DPP10: variants seen among roughly 807,000 people sequenced by gnomAD.
The protein encoded by DPP10 is dipeptidyl peptidase like 10.
DPP10 carries 33 observed loss-of-function variants against 120.9 expected under a neutral mutation model. That is an observed-to-expected ratio of 0.27 (90% CI 0.21 to 0.37). The LOEUF (loss-of-function observed/expected upper bound fraction) is 0.37. Among genes scored for constraint, DPP10 ranks in the 10% least tolerant of loss-of-function variants. DPP10 has a pLI of 1.00. For synonymous variants in DPP10, 337 were observed against 326.1 expected (o/e 1.03, Z -0.36); for missense variants, 816 against 942.8 (o/e 0.87, Z 1.76).
At chr2:115,231,464 C>G (rs1415261563) in intron 1 of DPP10, among the ~76,000 whole-genome samples, 1 of 152,050 alleles carries the variant, frequency 6.6e-6, no homozygotes, top group Non-Finnish European at 1.5e-5. Flanking sequence ...AGGTCTTTTT[C>G]ATACAAGTTG....
At chr2:115,353,329 C>T (rs1346108764) in intron 3 of DPP10, among the ~76,000 whole-genome samples, 1 of 152,040 alleles carries the variant, frequency 6.6e-6, no homozygotes, top group African/African-American at 2.4e-5. Flanking sequence ...AAGGAAAATG[C>T]TGTGTATGTG....
intron 2 of DPP10, among the ~76,000 whole-genome samples, chr2:115,316,591 G>C (rs1574398807): frequency 1.3e-5 from 2 of 151,936 alleles, no homozygotes; most frequent in Admixed American, 6.6e-5. Flanking sequence ...TTTATTTCTG[G>C]TTTCATAATT....
At chr2:115,827,335 A>G (rs1688437224) in intron 21 of DPP10, among the ~76,000 whole-genome samples, 1 of 146,640 alleles carries the variant, frequency 6.8e-6, no homozygotes, top group African/African-American at 2.5e-5. Flanking sequence ...ATGTATATGT[A>G]TATGTATATA....
chr2:114,536,638 C>A (rs531906488), intron 1 of DPP10, among the ~76,000 whole-genome samples: 7 of 152,100 alleles, frequency 4.6e-5, no homozygotes. Context: ...ATCTCCTGAC[C>A]TTGTGATCCA....
chr2:115,231,781 A>G (rs2057747127), intron 1 of DPP10, among the ~76,000 whole-genome samples: 2 of 152,100 alleles, frequency 1.3e-5, no homozygotes, highest in South Asian at 4.1e-4. Context: ...GACTCTCACC[A>G]TTTCCCTCCC....
intron 1 of DPP10, among the ~76,000 whole-genome samples, chr2:114,651,978 C>A (rs2105489357): frequency 6.6e-6 from 1 of 152,274 alleles, no homozygotes; most frequent in African/African-American, 2.4e-5. Context: ...TGCTGCTGGT[C>A]TAACAAGCTC....
In DPP10 at chr2:114,870,837, A is replaced by G. The variant is rs904112958; in HGVS notation, c.60+427999A>G. Among the ~76,000 whole-genome samples the G allele has an allele frequency of 1.5e-5, 2 of 135,836 alleles. 1 individual carries two copies. Among genetic ancestry groups the G allele is most frequent in the African/African-American group, 5.1e-5 (2 of 39,024 alleles). 89.1% of individuals were successfully genotyped at this position (135,836 alleles called of 152,430 possible). A position where few individuals can be genotyped will look rare whatever the true frequency, so the allele number is the denominator to read the frequency against. ...GATTTCCTCTTAACAGAGAACGTCCATCGGGATCTTTTCATGAACAGATAG... is the reference window on the plus strand; with the variant it reads ...GATTTCCTCTTAACAGAGAACGTCCGTCGGGATCTTTTCATGAACAGATAG... On this transcript the variant is annotated intron_variant, in intron 1 of 25. Coordinates refer to ENST00000410059, the MANE Select transcript of DPP10 (RefSeq NM_020868.6).
chr2:115,288,616 G>A (rs974936089), intron 1 of DPP10, among the ~76,000 whole-genome samples: 6 of 151,866 alleles, frequency 4.0e-5, no homozygotes, highest in South Asian at 2.1e-4. Flanking sequence ...CCAGCTACTC[G>A]GGAGGCTGAG....
chr2:115,113,533 T>A (rs2049339839), intron 1 of DPP10, among the ~76,000 whole-genome samples: 1 of 152,134 alleles, frequency 6.6e-6, no homozygotes, highest in Non-Finnish European at 1.5e-5. Flanking sequence ...CAATAGTGAA[T>A]TCGTACTCAC....
intron 11 of DPP10, among the ~76,000 whole-genome samples, chr2:115,754,575 A>C (rs1679163985): frequency 6.6e-6 from 1 of 152,144 alleles, no homozygotes; most frequent in African/African-American, 2.4e-5. Flanking sequence ...GTAAGGTATC[A>C]AGTTCATCTG....
intron 1 of DPP10, among the ~76,000 whole-genome samples, chr2:115,111,425 G>C (rs1246553842): frequency 6.6e-6 from 1 of 152,056 alleles, no homozygotes; most frequent in East Asian, 1.9e-4. Context: ...GAGCAAGATT[G>C]AGTAAAAGAA....
intron 5 of DPP10, among the ~76,000 whole-genome samples, chr2:115,573,927 T>G (rs2081502555): frequency 6.6e-6 from 1 of 152,168 alleles, no homozygotes; most frequent in Non-Finnish European, 1.5e-5. Context: ...TTTTGGTAAC[T>G]CCTCCCTTTA....
chr2:115,471,690 G>T (rs536824923), intron 3 of DPP10, among the ~76,000 whole-genome samples: 1 of 151,732 alleles, frequency 6.6e-6, no homozygotes, highest in Non-Finnish European at 1.5e-5. Context: ...TGGCTCAAGC[G>T]ATCCTCTCAC....
At chr2:115,575,611 G>A (rs2081607147) in intron 5 of DPP10, among the ~76,000 whole-genome samples, 2 of 152,140 alleles carry the variant, frequency 1.3e-5, no homozygotes, top group African/African-American at 2.4e-5. Flanking sequence ...CACCAGCTCA[G>A]GATCTCACCC....
intron 3 of DPP10, among the ~76,000 whole-genome samples, chr2:115,377,469 T>C (rs1016284476): frequency 2.7e-4 from 41 of 152,122 alleles, no homozygotes; most frequent in Non-Finnish European, 5.9e-4. Context: ...GTCAGATGAG[T>C]AGATTGCAAA....
chr2:115,367,013 C>G (rs1453939018), intron 3 of DPP10, among the ~76,000 whole-genome samples: 1 of 151,886 alleles, frequency 6.6e-6, no homozygotes, highest in African/African-American at 2.4e-5. Context: ...ATCCTATATA[C>G]GAAGATATTT....
intron 3 of DPP10, among the ~76,000 whole-genome samples, chr2:115,344,576 G>T (rs1358777868): frequency 6.6e-6 from 1 of 150,726 alleles, no homozygotes; most frequent in Admixed American, 6.6e-5. Context: ...TTTTTTTTCT[G>T]GCCTGGCAAA....
At chr2:115,281,841 A>G (rs2060168870) in intron 1 of DPP10, among the ~76,000 whole-genome samples, 1 of 152,162 alleles carries the variant, frequency 6.6e-6, no homozygotes, top group Admixed American at 6.6e-5. Flanking sequence ...TATGATTTTA[A>G]AAGTAAGGTG....
At chr2:115,292,284 C>T in intron 1 of DPP10, among the ~76,000 whole-genome samples, 1 of 151,968 alleles carries the variant, frequency 6.6e-6, no homozygotes, top group East Asian at 1.9e-4. Flanking sequence ...ATGTTTTTTC[C>T]TAGTCATTTT....
Sources: allele counts gnomAD v4.1 joint callset (sites outside exome capture counted in the v4.1 genomes callset), GRCh38; gene constraint gnomAD v4.1.1; transcripts MANE v1.5; gene names NCBI Gene and HGNC (gene_info 2026-07-23, HGNC 2026-07-21).